SOX5: variants seen among roughly 807,000 people sequenced by gnomAD.
SOX5 encodes the protein SRY-box transcription factor 5, also known as transcription factor SOX-5.
A neutral mutation model predicts 92.0 loss-of-function variants in SOX5; 9 were observed. That is an observed-to-expected ratio of 0.10 (90% CI 0.06 to 0.17). The LOEUF (loss-of-function observed/expected upper bound fraction) is 0.17, where lower values mean the gene tolerates loss of function less well. Among genes scored for constraint, SOX5 ranks in the 10% least tolerant of loss-of-function variants. The pLI is 1.00. For missense variants in SOX5, 642 were observed against 944.5 expected (o/e 0.68, Z 4.20); for synonymous variants, 344 against 336.3 (o/e 1.02, Z -0.25).
intron 1 of SOX5, among the ~76,000 whole-genome samples, chr12:23,923,258 G>C (rs1400104186): frequency 6.6e-6 from 1 of 151,826 alleles, no homozygotes; most frequent in Non-Finnish European, 1.5e-5. Context: ...GCCAAGGGAA[G>C]CTTCTTAAAG....
chr12:24,437,817 CT>C (rs1939734417), intron 1 of SOX5, among the ~76,000 whole-genome samples: 1 of 152,204 alleles, frequency 6.6e-6, no homozygotes. Flanking sequence ...AATAGGAATG[CT>C]TTTACACTGT....
intron 4 of SOX5, among the ~76,000 whole-genome samples, chr12:24,110,741 A>G (rs905121714): frequency 1.3e-5 from 2 of 151,542 alleles, no homozygotes; most frequent in Non-Finnish European, 2.9e-5. Flanking sequence ...AATAAAATAA[A>G]ATTTAAAAAA....
intron 3 of SOX5, among the ~76,000 whole-genome samples, chr12:24,219,962 T>G (rs1476688151): frequency 6.6e-6 from 1 of 152,166 alleles, no homozygotes; most frequent in Non-Finnish European, 1.5e-5. Flanking sequence ...AAAACCTTTC[T>G]GAGCCTTAGT....
intron 3 of SOX5, among the ~76,000 whole-genome samples, chr12:23,767,981 G>A (rs752220160): frequency 1.3e-5 from 2 of 152,068 alleles, no homozygotes; most frequent in Non-Finnish European, 2.9e-5. Context: ...TGTATCTGAG[G>A]AACAATAGCA....
intron 2 of SOX5, among the ~76,000 whole-genome samples, chr12:24,321,828 G>A (rs1565901301): frequency 6.6e-6 from 1 of 152,154 alleles, no homozygotes; most frequent in Non-Finnish European, 1.5e-5. Context: ...TTAAGCGGGG[G>A]AAAAGTTATA....
chr12:24,410,002 C>A (rs1005237064), intron 1 of SOX5, among the ~76,000 whole-genome samples: 1 of 146,472 alleles, frequency 6.8e-6, no homozygotes, highest in Non-Finnish European at 1.5e-5. Flanking sequence ...CACATAGCAA[C>A]TTTTTTTTTT....
rs527564821 is a variant in SOX5, at chr12:24,034,507, T to C, written c.-1-138483A>G. Among the ~76,000 whole-genome samples, 8 of 151,786 alleles carry C rather than the reference T, an allele frequency of 5.3e-5. No homozygotes were observed. In the South Asian group the frequency reaches 1.7e-3, roughly 32 times the overall value. ...GGGGGCAAAGGAGAACCAATAACTA[T>C]TTCACTTCTCAAAACTGAATTCTCT... On this transcript the variant is annotated intron_variant, in intron 4 of 4. Coordinates refer to the SOX5 transcript ENST00000446891.
chr12:24,405,567 T>C (rs1242794760), intron 1 of SOX5, among the ~76,000 whole-genome samples: 1 of 152,138 alleles, frequency 6.6e-6, no homozygotes, highest in Non-Finnish European at 1.5e-5. Flanking sequence ...TAAACCCCTT[T>C]GAGTGCAAAA....
chr12:24,506,854 G>A (rs1472632247), intron 1 of SOX5, among the ~76,000 whole-genome samples: 2 of 139,014 alleles, frequency 1.4e-5, no homozygotes, highest in South Asian at 2.4e-4. Context: ...GCAGTGGCGC[G>A]ATCTCGGCTC....
intron 1 of SOX5, among the ~76,000 whole-genome samples, chr12:24,534,636 A>G (rs941326956): frequency 6.6e-6 from 1 of 152,228 alleles, no homozygotes; most frequent in Non-Finnish European, 1.5e-5. Flanking sequence ...GTGTACCCCA[A>G]GATGAACACC....
At position 23,709,213 on chromosome 12, in the gene SOX5, C is replaced by T. The variant is rs113159949; in HGVS notation, c.810+25471G>A. On this transcript the variant is annotated intron_variant, in intron 6 of 14. Coordinates refer to ENST00000451604, the MANE Select transcript of SOX5 (RefSeq NM_006940.6). ...AACTCCTCAGCTCAAGGGAACCTCC[C>T]ACCTCAGCCTCCAGAGTAGTTGGGA... is the stretch of plus-strand genomic sequence containing the variant. Among the ~76,000 whole-genome samples the T allele has an allele frequency of 3.3e-5, 5 of 152,044 alleles. No homozygotes were observed. The South Asian group carries it at 1.0e-3, about 31-fold the overall frequency.
chr12:23,628,514 AT>A (rs1291683223), intron 8 of SOX5, among the ~76,000 whole-genome samples: 1 of 152,134 alleles, frequency 6.6e-6, no homozygotes, highest in East Asian at 1.9e-4. Context: ...TGTAATTTTC[AT>A]GTTAGAGGCA....
At chr12:23,916,675 T>C (rs1354012431) in intron 1 of SOX5, among the ~76,000 whole-genome samples, 2 of 152,314 alleles carry the variant, frequency 1.3e-5, no homozygotes, top group African/African-American at 2.4e-5. Context: ...ATTGCAAACA[T>C]TGGGTAAAAT....
intron 1 of SOX5, among the ~76,000 whole-genome samples, chr12:24,498,832 G>A (rs1947903816): frequency 6.6e-6 from 1 of 152,030 alleles, no homozygotes; most frequent in South Asian, 2.1e-4. Flanking sequence ...TCAGGGTATC[G>A]CTTGATTACT....
chr12:24,110,415 A>G (rs1432978146), intron 4 of SOX5, among the ~76,000 whole-genome samples: 1 of 152,244 alleles, frequency 6.6e-6, no homozygotes, highest in African/African-American at 2.4e-5. Context: ...TAAGTCCCAC[A>G]TCAAGTGCTT....
intron 4 of SOX5, among the ~76,000 whole-genome samples, chr12:23,961,000 T>A (rs1315696753): frequency 6.6e-6 from 1 of 152,166 alleles, no homozygotes; most frequent in African/African-American, 2.4e-5. Context: ...TTTTTAAAAG[T>A]TAAATATACA....
intron 3 of SOX5, among the ~76,000 whole-genome samples, chr12:23,839,276 G>A (rs1414170843): frequency 1.3e-5 from 2 of 151,986 alleles, no homozygotes; most frequent in African/African-American, 2.4e-5. Context: ...AAGAGTCTAT[G>A]TATCCACTTA....
At chr12:24,383,228 T>C (rs535529535) in intron 1 of SOX5, among the ~76,000 whole-genome samples, 3 of 152,316 alleles carry the variant, frequency 2.0e-5, no homozygotes, top group East Asian at 3.9e-4. Flanking sequence ...CAAATGAGTC[T>C]TTATTTAAAA....
intron 8 of SOX5, chr12:23,637,869 G>A (rs1368544503): frequency 6.6e-6 from 1 of 152,574 alleles, no homozygotes; most frequent in African/African-American, 2.4e-5. Flanking sequence ...TAAAGCCGGA[G>A]GTGGGTTGCT....
Sources: gnomAD v4.1 joint callset for allele counts (sites outside exome capture counted in the v4.1 genomes callset) on GRCh38, gnomAD v4.1.1 for gene constraint, MANE v1.5 for transcripts, NCBI Gene and HGNC (gene_info 2026-07-23, HGNC 2026-07-21) for gene names.